Variants in IQSEC1 observed in about 807,000 individuals in gnomAD.
The protein encoded by IQSEC1 is IQ motif and Sec7 domain ArfGEF 1, also known as IQ motif and SEC7 domain-containing protein 1.
IQSEC1 carries 31 observed loss-of-function variants against 91.0 expected under a neutral mutation model. The observed-to-expected ratio is 0.34, with a 90% CI of 0.26 to 0.46. The LOEUF (loss-of-function observed/expected upper bound fraction) is 0.46. Among genes scored for constraint, IQSEC1 ranks in the 20% least tolerant of loss-of-function variants. The probability of loss-of-function intolerance (pLI) is 1.00; values close to 1 mark genes in which losing one functional copy is unlikely to be tolerated. For missense variants in IQSEC1, 1,388 were observed against 1,575.6 expected (o/e 0.88, Z 2.02); for synonymous variants, 699 against 662.6 (o/e 1.05, Z -0.84).
At position 12,967,095 on chromosome 3, in the gene IQSEC1, C is replaced by A. The variant is rs550338888; in HGVS notation, c.24-25230G>T. ...CCACACCAACTTGCACTCCAACAGG[C>A]CCTCGATCACACACACACACTCCCA... On this transcript the variant is annotated intron_variant, in intron 1 of 13. Coordinates refer to ENST00000613206, the MANE Select transcript of IQSEC1 (RefSeq NM_001134382.3). The surrounding 1 kb of genome is among the most constrained non-coding windows in gnomAD (Gnocchi z 5.9). Among the ~76,000 whole-genome samples the A allele has an allele frequency of 7.0e-6, 1 of 143,278 alleles. No individual in the cohort carries two copies. Among genetic ancestry groups the A allele is most frequent in the Admixed American group, 7.2e-5 (1 of 13,954 alleles). 94.0% of individuals were successfully genotyped at this position (143,278 alleles called of 152,430 possible).
intron 1 of IQSEC1, among the ~76,000 whole-genome samples, chr3:13,255,214 G>C (rs548204999): frequency 1.3e-5 from 2 of 152,340 alleles, no homozygotes; most frequent in South Asian, 4.1e-4. Flanking sequence ...CAAGGGAGGG[G>C]AGCCACTGCC....
At chr3:13,138,175 A>C (rs572641266) in intron 2 of IQSEC1, among the ~76,000 whole-genome samples, 1 of 152,304 alleles carries the variant, frequency 6.6e-6, no homozygotes, top group African/African-American at 2.4e-5. Context: ...GCCCCGGCTG[A>C]TGGGCACAGC....
chr3:12,955,989 A>G (rs1274777777), intron 1 of IQSEC1, among the ~76,000 whole-genome samples: 2 of 152,202 alleles, frequency 1.3e-5, no homozygotes, highest in Non-Finnish European at 2.9e-5. Flanking sequence ...ACTAGAACGA[A>G]TCACTAACAT....
intron 1 of IQSEC1, among the ~76,000 whole-genome samples, chr3:13,176,437 T>A (rs532346468): frequency 1.3e-5 from 2 of 152,346 alleles, no homozygotes; most frequent in Admixed American, 1.3e-4. Flanking sequence ...ACCCCTAGCC[T>A]GACCCTTGGG....
In IQSEC1 at chr3:12,900,058, C is replaced by T; in HGVS notation, c.*925G>A. The T allele has an allele frequency of 1.0e-6, 1 of 985,344 alleles. No individual in the cohort carries two copies. The highest frequency in any genetic ancestry group is 1.2e-6 in the Non-Finnish European group (1 of 829,896). The allele number at this position is 985,344 out of a possible 1,614,324, so 61.0% of individuals were successfully genotyped here. A position where few individuals can be genotyped will look rare whatever the true frequency, so the allele number is the denominator to read the frequency against. On this transcript the variant is annotated 3_prime_UTR_variant, in exon 14 of 14. Transcript: ENST00000613206. ...ATGTCCTAAGACAACCAGCTTGTAA[C>T]CAGCTGTCCTGAGTTGCTACTGTAG...
At chr3:13,113,172 TG>T (rs1432930174) in intron 2 of IQSEC1, among the ~76,000 whole-genome samples, 1 of 151,986 alleles carries the variant, frequency 6.6e-6, no homozygotes, top group Admixed American at 6.6e-5. Context: ...TCACACAGCT[TG>T]GGGGAAGCAG....
chr3:12,953,219 G>C lies in IQSEC1; in HGVS notation c.24-11354C>G, dbSNP rs187048297. ...CCACAGCGCTGTCTCCATGCCTCTTGGTCTCCGTGCGCCGTAGACAGACCT... is the reference window on the plus strand; with the variant it reads ...CCACAGCGCTGTCTCCATGCCTCTTCGTCTCCGTGCGCCGTAGACAGACCT... On this transcript the variant is annotated intron_variant, in intron 1 of 13. Coordinates refer to ENST00000613206, the MANE Select transcript of IQSEC1 (RefSeq NM_001134382.3). Among the ~76,000 whole-genome samples, 24 of 152,358 alleles carry C rather than the reference G, an allele frequency of 1.6e-4. No individual in the cohort carries two copies. The East Asian group carries it at 4.6e-3, about 29-fold the overall frequency.
At chr3:12,998,873 G>C (rs1450959782) in intron 1 of IQSEC1, among the ~76,000 whole-genome samples, 1 of 152,048 alleles carries the variant, frequency 6.6e-6, no homozygotes, top group Admixed American at 6.6e-5. Flanking sequence ...GGGGGTCGGG[G>C]GGCAGGATCA....
Position 13,045,736 on chromosome 3 carries a change from C to T in IQSEC1, c.23+27256G>A, listed in dbSNP as rs555418873. On this transcript the variant is annotated intron_variant, in intron 1 of 13. Coordinates refer to ENST00000613206, the MANE Select transcript of IQSEC1 (RefSeq NM_001134382.3). ...GACAATTCAGATGGAGCTGCAGTGG[C>T]GCCCGTGGCATGGGTGGGTGGTGCA... 7.2e-5 allele frequency among the ~76,000 whole-genome samples: 11 copies of T among 152,348 alleles called. No homozygotes were observed. In the East Asian group the frequency reaches 1.5e-3, roughly 21 times the overall value.
chr3:13,199,437 C>T (rs1694195744), intron 1 of IQSEC1, among the ~76,000 whole-genome samples: 3 of 152,168 alleles, frequency 2.0e-5, no homozygotes, highest in Admixed American at 1.3e-4. Flanking sequence ...TGCAGAGCAG[C>T]AGCCCCTTTC....
intron 1 of IQSEC1, among the ~76,000 whole-genome samples, chr3:13,273,574 C>A (rs934034662): frequency 2.6e-5 from 4 of 152,302 alleles, no homozygotes; most frequent in Middle Eastern, 3.4e-3. Context: ...GAGGGTGGGG[C>A]CGTGTGCCTT....
intron 1 of IQSEC1, among the ~76,000 whole-genome samples, chr3:13,263,433 G>GAAAAAGTACCTGACACTTTTTTTTTTT: frequency 7.5e-6 from 1 of 133,702 alleles, no homozygotes; most frequent in African/African-American, 2.6e-5. Context: ...TTTTTGGGGG[G>GAAAAAGTACCTGACACTTTTTTTTTTT]GGGGGGAAAG....
intron 1 of IQSEC1, chr3:13,047,619 A>C: frequency 3.6e-6 from 2 of 548,582 alleles, no homozygotes; most frequent in Non-Finnish European, 4.6e-6. Context: ...AGGTGGTCCC[A>C]GGACAGGTCC....
chr3:12,963,579 G>A (rs759159094), intron 1 of IQSEC1, among the ~76,000 whole-genome samples: 2 of 152,236 alleles, frequency 1.3e-5, no homozygotes, highest in Non-Finnish European at 2.9e-5. Context: ...AGGCAAAGCT[G>A]CACATCCCCC....
chr3:13,003,276 C>CAAAAAA (rs56239928), intron 1 of IQSEC1, among the ~76,000 whole-genome samples: 12 of 57,068 alleles, frequency 2.1e-4, no homozygotes, highest in Admixed American at 7.4e-4. Flanking sequence ...CTGTCTCTAC[C>CAAAAAA]AAAAAAAAAA....
chr3:12,951,439 C>T (rs1472989792), intron 1 of IQSEC1, among the ~76,000 whole-genome samples: 1 of 131,806 alleles, frequency 7.6e-6, no homozygotes, highest in Non-Finnish European at 1.7e-5. Context: ...AAGTGAACCT[C>T]TATCTCAAAA....
At chr3:12,968,028 AAGG>A (rs1340221809) in intron 1 of IQSEC1, among the ~76,000 whole-genome samples, 1 of 152,178 alleles carries the variant, frequency 6.6e-6, no homozygotes, top group Admixed American at 6.5e-5. Context: ...TCTGTTCTGG[AAGG>A]AGGACTTTGC....
At chr3:13,043,903 C>G (rs932063448) in intron 1 of IQSEC1, among the ~76,000 whole-genome samples, 1 of 152,240 alleles carries the variant, frequency 6.6e-6, no homozygotes, top group African/African-American at 2.4e-5. Flanking sequence ...CCCACTCCCC[C>G]TCAGATGAGG....
chr3:13,234,050 G>A (rs1216002595), intron 1 of IQSEC1, among the ~76,000 whole-genome samples: 1 of 152,254 alleles, frequency 6.6e-6, no homozygotes, highest in East Asian at 1.9e-4. Context: ...CGGGATCCCA[G>A]TGGAATTTAA....
Sources: gnomAD v4.1 joint callset for allele counts (sites outside exome capture counted in the v4.1 genomes callset) on GRCh38, gnomAD v4.1.1 for gene constraint, Gnocchi (gnomAD v3.1) non-coding constraint, MANE v1.5 for transcripts, NCBI Gene and HGNC (gene_info 2026-07-23, HGNC 2026-07-21) for gene names.